Variants in SMPD3 observed in about 807,000 individuals in gnomAD.
SMPD3 encodes sphingomyelin phosphodiesterase 3.
SMPD3 carries 21 observed loss-of-function variants against 55.7 expected under a neutral mutation model. That is an observed-to-expected ratio of 0.38 (90% confidence interval 0.27 to 0.54). The LOEUF (loss-of-function observed/expected upper bound fraction) is 0.54, where lower values mean the gene tolerates loss of function less well. SMPD3 is among the 20% of genes least tolerant of loss of function. The probability of loss-of-function intolerance (pLI) is 0.80; values close to 1 mark genes in which losing one functional copy is unlikely to be tolerated. For synonymous variants in SMPD3, 457 were observed against 404.3 expected (o/e 1.13, Z -1.56); for missense variants, 842 against 899.6 (o/e 0.94, Z 0.82).
intron 1 of SMPD3, among the ~76,000 whole-genome samples, chr16:68,418,586 A>G (rs547452331): frequency 6.6e-6 from 1 of 152,344 alleles, no homozygotes; most frequent in South Asian, 2.1e-4. Flanking sequence ...AACAACATCC[A>G]TGTTGACATC....
chr16:68,381,564 T>A (rs991225735), intron 2 of SMPD3, among the ~76,000 whole-genome samples: 1 of 152,190 alleles, frequency 6.6e-6, no homozygotes, highest in Admixed American at 6.5e-5. Flanking sequence ...ACCAATGAGC[T>A]GTGAGTGAAA....
At chr16:68,381,702 G>T (rs1045273732) in intron 2 of SMPD3, among the ~76,000 whole-genome samples, 1 of 152,194 alleles carries the variant, frequency 6.6e-6, no homozygotes, top group African/African-American at 2.4e-5. Context: ...TCAGTCCAGG[G>T]TGAAGAGACA....
Position 68,361,061 on chromosome 16 carries a change from G to C in SMPD3, c.*145C>G, listed in dbSNP as rs1233871238. On this transcript the variant is annotated 3_prime_UTR_variant, in exon 9 of 9. Coordinates refer to ENST00000219334, the MANE Select transcript of SMPD3 (RefSeq NM_018667.4). ...AGGCCCAGAGGCGCAGAGCAGCGCA[G>C]CTTCCAGGTTCCCGGGCACTGACTG... is the stretch of plus-strand genomic sequence containing the variant. The C allele has an allele frequency of 6.9e-6, 5 of 725,396 alleles. No individual in the cohort carries two copies. Among genetic ancestry groups the C allele is most frequent in the Non-Finnish European group, 9.0e-6 (4 of 445,844 alleles). The allele number at this position is 725,396 out of a possible 1,614,324, so 44.9% of individuals were successfully genotyped here.
At chr16:68,428,789 C>T (rs1198550169) in intron 1 of SMPD3, among the ~76,000 whole-genome samples, 1 of 152,156 alleles carries the variant, frequency 6.6e-6, no homozygotes, top group Non-Finnish European at 1.5e-5. Context: ...ACACTTGGTC[C>T]CTGCCTTAGA....
chr16:68,427,431 A>G (rs1309226785), intron 1 of SMPD3, among the ~76,000 whole-genome samples: 1 of 152,220 alleles, frequency 6.6e-6, no homozygotes, highest in South Asian at 2.1e-4. Context: ...ACCCTAAGAC[A>G]TCTGGAGGCT....
At chr16:68,372,753 G>A (rs1490207692) in intron 2 of SMPD3, among the ~76,000 whole-genome samples, 1 of 152,154 alleles carries the variant, frequency 6.6e-6, no homozygotes, top group Non-Finnish European at 1.5e-5. Flanking sequence ...CCCTGACCGG[G>A]GGCCGCCGGA....
intron 1 of SMPD3, among the ~76,000 whole-genome samples, chr16:68,434,618 C>A (rs2090506960): frequency 1.3e-5 from 2 of 152,178 alleles, no homozygotes; most frequent in Admixed American, 1.3e-4. Flanking sequence ...CATAACCATT[C>A]CAGGTGGCCC....
At chr16:68,423,797 G>C (rs977140879) in intron 1 of SMPD3, among the ~76,000 whole-genome samples, 7 of 152,106 alleles carry the variant, frequency 4.6e-5, no homozygotes, top group African/African-American at 1.7e-4. Context: ...TCCAGACCCC[G>C]TGGGGCACTC....
At position 68,371,076 on chromosome 16, in the gene SMPD3, C is replaced by A. The variant is rs199528981; in HGVS notation, c.1106G>T (p.Arg369Leu). The A allele has an allele frequency of 5.0e-6, 8 of 1,614,180 alleles. No individual in the cohort carries two copies. The highest frequency in any genetic ancestry group is 5.1e-6 in the Non-Finnish European group (6 of 1,180,044). The change falls in exon 3 of 9, where the codon CGA becomes CTA. Residue 369 changes from arginine to leucine, a missense_variant. Arg to Leu is a moderately radical substitution (Grantham distance 102). This residue lies in a region of SMPD3 where 649 missense variants were observed against 643.6 expected (regional missense o/e 1.01). Coordinates refer to ENST00000219334, the MANE Select transcript of SMPD3 (RefSeq NM_018667.4). ...FLCLQEVFDK[R>L]AATKLKEQLH... ...CTGCTCTTTCAATTTGGTGGCTGCT[C>A]GCTTGTCAAACACCTCCTGCAGGCA...
At chr16:68,379,590 C>T (rs777860587) in intron 2 of SMPD3, among the ~76,000 whole-genome samples, 4 of 152,168 alleles carry the variant, frequency 2.6e-5, no homozygotes, top group African/African-American at 4.8e-5. Context: ...AGGTGCATGG[C>T]GAGGACAGTG....
intron 1 of SMPD3, among the ~76,000 whole-genome samples, chr16:68,415,962 T>C (rs1308910243): frequency 1.3e-5 from 2 of 152,200 alleles, no homozygotes; most frequent in Admixed American, 1.3e-4. Flanking sequence ...GATTTAGTAT[T>C]AAAGCTCTGA....
At chr16:68,369,494 AGGGTGGGAGTGAG>A (rs1175138426) in intron 3 of SMPD3, 2 of 142,074 alleles carry the variant, frequency 1.4e-5, no homozygotes, top group East Asian at 4.9e-4. Context: ...CACCTGTAGT[AGGGTGGGAGTGAG>A]GGGTGGGAGT....
chr16:68,440,777 C>T (rs531599715), intron 1 of SMPD3, among the ~76,000 whole-genome samples: 3 of 152,288 alleles, frequency 2.0e-5, no homozygotes, highest in African/African-American at 7.2e-5. Context: ...ATTTTTCTCC[C>T]AGAGCACAAG....
Position 68,360,516 on chromosome 16 carries a change from C to G in SMPD3, c.*690G>C, listed in dbSNP as rs1008650168. ...AGAGCAAAGTTCTATGAGTGACTTA[C>G]AGACCCTGTGAAGTGAGGGTTGGTT... On this transcript the variant is annotated 3_prime_UTR_variant, in exon 9 of 9. Coordinates refer to ENST00000219334, the MANE Select transcript of SMPD3 (RefSeq NM_018667.4). 3 of 152,682 alleles carry G rather than the reference C, an allele frequency of 2.0e-5. No homozygotes were observed. Among genetic ancestry groups the G allele is most frequent in the Non-Finnish European group, 4.4e-5 (3 of 68,178 alleles). The allele number at this position is 152,682 out of a possible 1,614,324, so 9.5% of individuals were successfully genotyped here.
chr16:68,373,405 C>A (rs578220174), intron 2 of SMPD3, among the ~76,000 whole-genome samples: 2 of 152,208 alleles, frequency 1.3e-5, no homozygotes, highest in South Asian at 4.1e-4. Context: ...GTGATCACCC[C>A]GTCGGGGAGC....
At position 68,360,190 on chromosome 16, in the gene SMPD3, G is replaced by A. The variant is rs572955502; in HGVS notation, c.*1016C>T. 4.6e-5 allele frequency: 7 copies of A among 152,746 alleles called. No homozygotes were observed. In the East Asian group the frequency reaches 1.3e-3, roughly 29 times the overall value. The allele number at this position is 152,746 out of a possible 1,614,324, so 9.5% of individuals were successfully genotyped here. A position where few individuals can be genotyped will look rare whatever the true frequency, so the allele number is the denominator to read the frequency against. On this transcript the variant is annotated 3_prime_UTR_variant, in exon 9 of 9. Coordinates refer to ENST00000219334, the MANE Select transcript of SMPD3 (RefSeq NM_018667.4). ...CACGCAGGTGGGGCACGTCCCCAGG[G>A]AGGGATTGGTCCCGAACCAGAGAGG...
chr16:68,441,443 A>G (rs1284418714), intron 1 of SMPD3, among the ~76,000 whole-genome samples: 4 of 152,252 alleles, frequency 2.6e-5, no homozygotes, highest in Non-Finnish European at 4.4e-5. Context: ...TGCAAGCCAC[A>G]TATACAATAT....
intron 1 of SMPD3, among the ~76,000 whole-genome samples, chr16:68,426,562 G>A (rs2090437689): frequency 6.6e-6 from 1 of 152,112 alleles, no homozygotes; most frequent in South Asian, 2.1e-4. Context: ...AATATCTGAA[G>A]GAGAGACATG....
At position 68,370,900 on chromosome 16, in the gene SMPD3, T is replaced by C. The variant is rs757970809; in HGVS notation, c.1282A>G (p.Asn428Asp). ...VAYHCYPNKC[N>D]DDALASKGAL... is the part of the protein sequence containing the mutation. ...CCCTTAGAGGCCAGGGCATCGTCGT[T>C]ACACTTGTTGGGGTAACAGTGATAG... Residue 428 changes from asparagine (N) to aspartate (D), a missense_variant, in exon 3 of 9, where the codon AAC (asparagine) becomes GAC (aspartate). Around this residue, in one of 2 missense-constraint regions of SMPD3, gnomAD observed 649 missense variants for 643.6 expected, o/e 1.01. Coordinates refer to ENST00000219334, the MANE Select transcript of SMPD3 (RefSeq NM_018667.4). 26 of 1,613,950 alleles carry C rather than the reference T, an allele frequency of 1.6e-5. No homozygotes were observed. Among genetic ancestry groups the C allele is most frequent in the Non-Finnish European group, 2.0e-5 (24 of 1,179,976 alleles).
Sources: allele counts gnomAD v4.1 joint callset (sites outside exome capture counted in the v4.1 genomes callset), GRCh38; gene constraint gnomAD v4.1.1; regional missense constraint gnomAD v4.1.1; transcripts MANE v1.5; gene names NCBI Gene and HGNC (gene_info 2026-07-23, HGNC 2026-07-21).